Variants in CNTN3 observed in about 807,000 individuals in gnomAD.
CNTN3 encodes the protein contactin-3.
CNTN3 carries 60 observed loss-of-function variants against 119.1 expected under a neutral mutation model. That is an observed-to-expected ratio of 0.50 (90% CI 0.41 to 0.62). The LOEUF (loss-of-function observed/expected upper bound fraction) is 0.62. CNTN3 is among the 20% of genes least tolerant of loss of function. The pLI is 0.00. For synonymous variants in CNTN3, 450 were observed against 438.7 expected, an observed-to-expected ratio of 1.03 and a Z score of -0.32; for missense variants, 1,101 against 1,242.4, an observed-to-expected ratio of 0.89 and a Z score of 1.71.
intron 22 of CNTN3, among the ~76,000 whole-genome samples, chr3:74,265,915 C>A (rs79036265): frequency 0.033 from 5,048 of 152,156 alleles, 107 homozygotes; most frequent in Non-Finnish European, 0.051. Flanking sequence ...ATACGCAAAC[C>A]AAAGTCTGTT....
At chr3:74,584,386 T>C (rs1175893103) in intron 1 of CNTN3, among the ~76,000 whole-genome samples, 1 of 152,110 alleles carries the variant, frequency 6.6e-6, no homozygotes, top group East Asian at 1.9e-4. Context: ...ATGTAGGAGG[T>C]GGGACCTAGT....
chr3:74,601,080 T>A (rs1182052932), intron 1 of CNTN3, among the ~76,000 whole-genome samples: 1 of 150,850 alleles, frequency 6.6e-6, no homozygotes, highest in African/African-American at 2.4e-5. Context: ...TATATTTTTA[T>A]ATTTATATAA....
At chr3:74,464,867 G>A (rs1296958503) in intron 4 of CNTN3, among the ~76,000 whole-genome samples, 1 of 152,076 alleles carries the variant, frequency 6.6e-6, no homozygotes, top group Non-Finnish European at 1.5e-5. Context: ...TAGACCTAGA[G>A]GTTTAATTAG....
At chr3:74,356,688 C>G (rs948307459) in intron 11 of CNTN3, among the ~76,000 whole-genome samples, 5 of 152,004 alleles carry the variant, frequency 3.3e-5, no homozygotes, top group Non-Finnish European at 7.4e-5. Context: ...GCAGGATAAG[C>G]CTTTGTTATC....
chr3:74,546,208 G>C (rs555044731), intron 1 of CNTN3, among the ~76,000 whole-genome samples: 1 of 152,146 alleles, frequency 6.6e-6, no homozygotes, highest in Non-Finnish European at 1.5e-5. Flanking sequence ...TGTTAACCAG[G>C]ATTGTCTCGA....
At chr3:74,450,299 T>C (rs1242788077) in intron 4 of CNTN3, among the ~76,000 whole-genome samples, 3 of 152,006 alleles carry the variant, frequency 2.0e-5, no homozygotes, top group East Asian at 1.9e-4. Flanking sequence ...AGAAAAATGG[T>C]CTCAGAAATA....
At chr3:74,287,566 A>G (rs1036504141) in intron 19 of CNTN3, among the ~76,000 whole-genome samples, 1 of 152,230 alleles carries the variant, frequency 6.6e-6, no homozygotes, top group African/African-American at 2.4e-5. Flanking sequence ...ATTTAAATAA[A>G]TAAAAAGCAG....
chr3:74,333,907 T>A (rs1703329481), intron 13 of CNTN3, among the ~76,000 whole-genome samples: 1 of 152,202 alleles, frequency 6.6e-6, no homozygotes, highest in Admixed American at 6.5e-5. Flanking sequence ...CAGACTTGAC[T>A]GTCCACCATG....
chr3:74,395,378 TACAC>T lies in CNTN3; in HGVS notation c.455-23983_455-23980del, dbSNP rs35050785. On this transcript the variant is annotated intron_variant, in intron 5 of 22. Coordinates refer to ENST00000263665, the MANE Select transcript of CNTN3 (RefSeq NM_020872.3). Reference sequence around the variant, plus strand: ...TGTTATATCTTTATACACACACACATACACACACACACACACACGACTGGAAATA... The same window carrying T: ...TGTTATATCTTTATACACACACACATACACACACACACACGACTGGAAATA... Among the ~76,000 whole-genome samples, 683 of 150,400 alleles carry T rather than the reference TACAC, an allele frequency of 4.5e-3. 10 individuals are homozygous for T. Among genetic ancestry groups the T allele is most frequent in the African/African-American group, 0.016 (649 of 40,998 alleles).
chr3:74,302,875 T>C (rs1702487317), intron 13 of CNTN3, 68 bp from the exon 14 acceptor site: 2 of 1,025,740 alleles, frequency 1.9e-6, no homozygotes, highest in African/African-American at 1.6e-5. Context: ...TTGAAGTCTA[T>C]GGCCAAAAAC....
intron 5 of CNTN3, among the ~76,000 whole-genome samples, chr3:74,414,684 T>C (rs1402705305): frequency 2.0e-5 from 3 of 152,136 alleles, no homozygotes; most frequent in African/African-American, 7.2e-5. Context: ...TGATTTGGAC[T>C]TTATCTGTGT....
chr3:74,395,086 C>T (rs1019606198), intron 5 of CNTN3, among the ~76,000 whole-genome samples: 9 of 152,040 alleles, frequency 5.9e-5, no homozygotes, highest in African/African-American at 2.2e-4. Context: ...TAGATATTTG[C>T]ATGCACATGA....
chr3:74,298,938 A>T (rs1702398919), intron 17 of CNTN3, among the ~76,000 whole-genome samples: 2 of 151,208 alleles, frequency 1.3e-5, no homozygotes, highest in African/African-American at 4.9e-5. Context: ...AAATTAATGA[A>T]TTACATCCCT....
intron 4 of CNTN3, among the ~76,000 whole-genome samples, chr3:74,430,742 A>G (rs1701770066): frequency 6.6e-6 from 1 of 152,164 alleles, no homozygotes. Context: ...ATGTACATCC[A>G]TGTGATAAAA....
intron 1 of CNTN3, among the ~76,000 whole-genome samples, chr3:74,549,588 G>T (rs1703961196): frequency 6.6e-6 from 1 of 152,004 alleles, no homozygotes; most frequent in Admixed American, 6.6e-5. Context: ...TCTGGGGCTT[G>T]TTGGGACATT....
At chr3:74,395,845 CACT>C (rs1228003020) in intron 5 of CNTN3, among the ~76,000 whole-genome samples, 1 of 152,068 alleles carries the variant, frequency 6.6e-6, no homozygotes, top group Non-Finnish European at 1.5e-5. Flanking sequence ...AGCGTGTGCT[CACT>C]ACATGTCTCT....
intron 11 of CNTN3, among the ~76,000 whole-genome samples, chr3:74,341,403 T>C (rs980149507): frequency 4.6e-5 from 7 of 151,138 alleles, no homozygotes; most frequent in Non-Finnish European, 1.0e-4. Context: ...TAGATAACGA[T>C]GAGTGACTCC....
chr3:74,349,304 T>C (rs1257020844), intron 11 of CNTN3, among the ~76,000 whole-genome samples: 2 of 152,152 alleles, frequency 1.3e-5, no homozygotes, highest in African/African-American at 2.4e-5. Context: ...CTGTGTTAAA[T>C]GATACTACTG....
At chr3:74,334,652 G>C (rs1009112981) in intron 13 of CNTN3, 83 bp downstream of exon 13, 2 of 1,228,674 alleles carry the variant, frequency 1.6e-6, no homozygotes, top group Admixed American at 2.1e-5. Flanking sequence ...CTAGAGCATT[G>C]TCTATATGTC....
Sources: allele counts gnomAD v4.1 joint callset (sites outside exome capture counted in the v4.1 genomes callset), GRCh38; gene constraint gnomAD v4.1.1; transcripts MANE v1.5; gene names NCBI Gene and HGNC (gene_info 2026-07-23, HGNC 2026-07-21).